PCDHA10: variants seen among roughly 807,000 people sequenced by gnomAD.
The protein encoded by PCDHA10 is protocadherin alpha 10, also known as protocadherin alpha-10.
A neutral mutation model predicts 61.2 loss-of-function variants in PCDHA10; 45 were observed. That is an observed-to-expected ratio of 0.74 (90% CI 0.58 to 0.94). The LOEUF (loss-of-function observed/expected upper bound fraction) is 0.94. Among genes scored for constraint, PCDHA10 ranks in the 40% least tolerant of loss-of-function variants. PCDHA10 has a pLI of 0.00. For missense variants in PCDHA10, 1,278 were observed against 1,236.2 expected (o/e 1.03, Z -0.51); for synonymous variants, 602 against 548.8 (o/e 1.10, Z -1.35).
chr5:140,924,050 A>T (rs1554201725), intron 1 of PCDHA10, among the ~76,000 whole-genome samples: 1 of 152,250 alleles, frequency 6.6e-6, no homozygotes, highest in African/African-American at 2.4e-5. Flanking sequence ...AAAGTTCGGT[A>T]CATCTTTACA....
At chr5:140,973,886 T>C (rs887432391) in intron 1 of PCDHA10, among the ~76,000 whole-genome samples, 2 of 152,242 alleles carry the variant, frequency 1.3e-5, no homozygotes, top group African/African-American at 4.8e-5. Flanking sequence ...TAATGTCAAT[T>C]TGCAAATGTT....
At position 140,878,750 on chromosome 5, in the gene PCDHA10, T is replaced by A. The variant is rs143616284; in HGVS notation, c.2388+20314T>A. ...AGCCTTATATCTACTTTCTTACATATCTTTAGTTTAGGATCTGGAATATAG... is the reference window on the plus strand; with the variant it reads ...AGCCTTATATCTACTTTCTTACATAACTTTAGTTTAGGATCTGGAATATAG... On this transcript the variant is annotated intron_variant, in intron 1 of 3. Coordinates refer to ENST00000307360, the MANE Select transcript of PCDHA10 (RefSeq NM_018901.4). Among the ~76,000 whole-genome samples, 863 of 152,338 alleles carry A rather than the reference T, an allele frequency of 5.7e-3. 5 individuals are homozygous for A. Among genetic ancestry groups the A allele is most frequent in the Middle Eastern group, 0.014 (4 of 294 alleles).
At chr5:140,948,784 T>C (rs1486580473) in intron 1 of PCDHA10, among the ~76,000 whole-genome samples, 6 of 151,646 alleles carry the variant, frequency 4.0e-5, no homozygotes, top group African/African-American at 1.4e-4. Flanking sequence ...CTTTTGGCTT[T>C]GTTGATATAT....
At chr5:140,869,908 C>T (rs189065461) in intron 1 of PCDHA10, 51 of 1,610,528 alleles carry the variant, frequency 3.2e-5, no homozygotes, top group African/African-American at 2.4e-4. Flanking sequence ...CGCCACAGAC[C>T]GAGACGAAGG....
chr5:140,980,015 G>A (rs1164072132), intron 2 of PCDHA10, among the ~76,000 whole-genome samples: 2 of 152,192 alleles, frequency 1.3e-5, no homozygotes, highest in East Asian at 3.9e-4. Flanking sequence ...CATTACAAAT[G>A]AGCAGAAATC....
intron 1 of PCDHA10, chr5:140,884,217 T>C (rs782181432): frequency 6.2e-7 from 1 of 1,613,448 alleles, no homozygotes; most frequent in East Asian, 2.2e-5. Flanking sequence ...CTTCTGGTGC[T>C]GGTGAAGGAC....
Position 140,975,977 on chromosome 5 carries a change from TA to T in PCDHA10, c.2389-2971del, listed in dbSNP as rs781900191. ...GTTCTTCACCAATAGAAAGTAAGCATAGTCCTGGGAGGTACCATCTAAGTAT... is the reference window on the plus strand; with the variant it reads ...GTTCTTCACCAATAGAAAGTAAGCATGTCCTGGGAGGTACCATCTAAGTAT... On this transcript the variant is annotated intron_variant, in intron 1 of 3. Coordinates refer to ENST00000307360, the MANE Select transcript of PCDHA10 (RefSeq NM_018901.4). Among the ~76,000 whole-genome samples, 17 of 152,284 alleles carry T rather than the reference TA, an allele frequency of 1.1e-4. 1 individual carries two copies. The highest frequency in any genetic ancestry group is 1.8e-4 in the Non-Finnish European group (12 of 68,014).
At chr5:140,886,501 T>C (rs1171128056) in intron 1 of PCDHA10, among the ~76,000 whole-genome samples, 1 of 152,108 alleles carries the variant, frequency 6.6e-6, no homozygotes, top group Non-Finnish European at 1.5e-5. Flanking sequence ...TCTTTTTCCT[T>C]TTATGGATTT....
chr5:140,978,717 T>C (rs545119234), intron 1 of PCDHA10, among the ~76,000 whole-genome samples: 1 of 152,390 alleles, frequency 6.6e-6, no homozygotes, highest in East Asian at 1.9e-4. Context: ...TTTACAAGAT[T>C]ATTAAATCTG....
intron 1 of PCDHA10, among the ~76,000 whole-genome samples, chr5:140,893,943 G>C (rs550475): frequency 0.54 from 81,510 of 151,914 alleles, 22,066 homozygotes; most frequent in African/African-American, 0.61. Flanking sequence ...TGTTAATTCT[G>C]CATGACTTTA....
intron 1 of PCDHA10, among the ~76,000 whole-genome samples, chr5:140,955,368 G>C (rs1554221882): frequency 6.6e-6 from 1 of 152,122 alleles, no homozygotes; most frequent in Admixed American, 6.5e-5. Flanking sequence ...CCCAGTGGGA[G>C]GTAATTGAAT....
chr5:140,954,181 T>C (rs1342526768), intron 1 of PCDHA10, among the ~76,000 whole-genome samples: 1 of 152,234 alleles, frequency 6.6e-6, no homozygotes, highest in Non-Finnish European at 1.5e-5. Flanking sequence ...ATCCAGTCTA[T>C]CATTGATGGG....
intron 1 of PCDHA10, chr5:140,871,457 GGGAAAGACA>G (rs782304525): frequency 6.2e-7 from 1 of 1,605,688 alleles, no homozygotes; most frequent in Non-Finnish European, 8.5e-7. Flanking sequence ...GAGGAGGAAG[GGGAAAGACA>G]GGAGCCAGGG....
chr5:140,956,707 C>T (rs1461272130), intron 1 of PCDHA10, among the ~76,000 whole-genome samples: 9 of 152,120 alleles, frequency 5.9e-5, no homozygotes, highest in Non-Finnish European at 1.3e-4. Flanking sequence ...TTTGGAATAG[C>T]TTCAGAAGAA....
At chr5:140,887,135 C>T (rs2061323683) in intron 1 of PCDHA10, among the ~76,000 whole-genome samples, 1 of 150,802 alleles carries the variant, frequency 6.6e-6, no homozygotes, top group Non-Finnish European at 1.5e-5. Context: ...CTCACTCTGT[C>T]GCCCAGGCTG....
chr5:140,955,813 G>A (rs1428196745), intron 1 of PCDHA10, among the ~76,000 whole-genome samples: 1 of 152,096 alleles, frequency 6.6e-6, no homozygotes, highest in Non-Finnish European at 1.5e-5. Context: ...TGTGTCCACT[G>A]TGATTTCCTT....
rs1554148611 is a variant in PCDHA10, at chr5:140,856,378, C to A, written c.330C>A (p.Asp110Glu). 3 of 1,598,456 alleles carry A rather than the reference C, an allele frequency of 1.9e-6. 1 individual carries two copies. Among genetic ancestry groups the A allele is most frequent in the South Asian group, 2.2e-5 (2 of 90,536 alleles). ...GCATCCACCTGGAGGTGATCGTGGA[C>A]AGGCCGCTGCAGGTTTTCCATGTGG... ...ECSIHLEVIV[D>E]RPLQVFHVDV... is the part of the protein sequence containing the mutation. The change falls in exon 1 of 4, where the codon GAC (aspartate) becomes GAA (glutamate). Residue 110 changes from aspartate (D) to glutamate (E), a missense_variant. Coordinates refer to ENST00000307360, the MANE Select transcript of PCDHA10 (RefSeq NM_018901.4).
chr5:140,929,589 G>T lies in PCDHA10; in HGVS notation c.2389-49360G>T, dbSNP rs183312863. 667 of 427,178 alleles carry T rather than the reference G, an allele frequency of 1.6e-3. 2 individuals are homozygous for T. The highest frequency in any genetic ancestry group is 3.3e-3 in the Admixed American group (76 of 23,230). The allele number at this position is 427,178 out of a possible 1,614,324, so 26.5% of individuals were successfully genotyped here. A position where few individuals can be genotyped will look rare whatever the true frequency, so the allele number is the denominator to read the frequency against. On this transcript the variant is annotated intron_variant, in intron 1 of 3. Coordinates refer to ENST00000307360, the MANE Select transcript of PCDHA10 (RefSeq NM_018901.4). ...AACAATAAAAGTAATATGACATAAA[G>T]GTCTAAAATTAAAAATAAAATACCA...
chr5:140,889,086 A>G (rs1418981044), intron 1 of PCDHA10, among the ~76,000 whole-genome samples: 1 of 151,926 alleles, frequency 6.6e-6, no homozygotes, highest in Non-Finnish European at 1.5e-5. Flanking sequence ...TTAAATTTTC[A>G]AAACAATTTT....
Sources: gnomAD v4.1 joint callset for allele counts (sites outside exome capture counted in the v4.1 genomes callset) on GRCh38, gnomAD v4.1.1 for gene constraint, MANE v1.5 for transcripts, NCBI Gene and HGNC (gene_info 2026-07-23, HGNC 2026-07-21) for gene names.